Variants in GARNL3 observed in about 807,000 individuals in gnomAD.
The protein encoded by GARNL3 is GTPase activating Rap/RanGAP domain like 3.
Under a neutral mutation model 125.0 loss-of-function variants are expected in GARNL3, and 63 were observed. The ratio of observed to expected loss-of-function variants is 0.50; its 90% CI spans 0.41 to 0.62. GARNL3 has a LOEUF of 0.62. GARNL3 is among the 20% of genes least tolerant of loss of function. GARNL3 has a pLI of 0.00. For synonymous variants in GARNL3, 439 were observed against 457.5 expected, an observed-to-expected ratio of 0.96 and a Z score of 0.52; for missense variants, 994 against 1,244.0, an observed-to-expected ratio of 0.80 and a Z score of 3.02.
At chr9:127,375,535 A>G (rs550931236) in intron 22 of GARNL3, among the ~76,000 whole-genome samples, 1 of 152,272 alleles carries the variant, frequency 6.6e-6, no homozygotes, top group South Asian at 2.1e-4. Flanking sequence ...TTTGTATCCA[A>G]ATATTCATAG....
intron 27 of GARNL3, among the ~76,000 whole-genome samples, chr9:127,391,163 T>G (rs943678384): frequency 6.6e-5 from 10 of 151,898 alleles, no homozygotes; most frequent in African/African-American, 2.2e-4. Context: ...CACATCCCTG[T>G]GGTCCCAGCT....
chr9:127,289,106 A>G (rs924107278), intron 1 of GARNL3, among the ~76,000 whole-genome samples: 4 of 152,324 alleles, frequency 2.6e-5, no homozygotes, highest in African/African-American at 9.6e-5. Context: ...CCCACAAAGA[A>G]GCTGTTGATG....
At chr9:127,264,726 C>T (rs2063664662), upstream of GARNL3, 1 of 1,251,640 alleles carries the variant, frequency 8.0e-7, no homozygotes, top group Admixed American at 4.1e-5. Context: ...CCTATACTTC[C>T]AGGGATGACT....
intron 22 of GARNL3, among the ~76,000 whole-genome samples, chr9:127,374,578 A>G (rs1245130488): frequency 6.6e-6 from 1 of 152,242 alleles, no homozygotes; most frequent in African/African-American, 2.4e-5. Flanking sequence ...AGGCACAGAC[A>G]GAGAAAATAT....
chr9:127,340,249 C>G (rs1231813070), intron 13 of GARNL3, among the ~76,000 whole-genome samples: 2 of 152,106 alleles, frequency 1.3e-5, no homozygotes, highest in Admixed American at 1.3e-4. Flanking sequence ...ACCATGACTG[C>G]CAGGCATCAC....
At chr9:127,282,403 A>G (rs775425006) in intron 1 of GARNL3, among the ~76,000 whole-genome samples, 1 of 152,190 alleles carries the variant, frequency 6.6e-6, no homozygotes, top group Non-Finnish European at 1.5e-5. Flanking sequence ...TAGGCTCGTT[A>G]TACATTTTAC....
intron 2 of GARNL3, among the ~76,000 whole-genome samples, chr9:127,298,585 T>G (rs1191553603): frequency 6.6e-6 from 1 of 152,220 alleles, no homozygotes; most frequent in Admixed American, 6.5e-5. Context: ...TTCTACCATT[T>G]TATACTTGTA....
At chr9:127,332,995 T>C (rs1413165798) in intron 8 of GARNL3, 28 bp from the exon 9 acceptor site, 1 of 1,511,326 alleles carries the variant, frequency 6.6e-7, no homozygotes, top group Non-Finnish European at 9.2e-7. Context: ...ATGCCCATAC[T>C]TTCCTCATAC....
intron 2 of GARNL3, among the ~76,000 whole-genome samples, chr9:127,247,404 C>A (rs1446274824): frequency 6.6e-6 from 1 of 152,126 alleles, no homozygotes; most frequent in Non-Finnish European, 1.5e-5. Context: ...TGATTAGATC[C>A]AGGGCCTCAA....
Position 127,283,544 on chromosome 9 carries a change from C to G in GARNL3, c.145-7624C>G, listed in dbSNP as rs531372271. ...AAGTAGCCAAGCGTGGTGGCATGTG[C>G]CTGTGGTCCCAGCTACTTGGGAGGC... is the stretch of plus-strand genomic sequence containing the variant. On this transcript the variant is annotated intron_variant, in intron 1 of 27. Transcript: ENST00000373387. Among the ~76,000 whole-genome samples the G allele has an allele frequency of 8.5e-5, 13 of 152,206 alleles. No homozygotes were observed. The East Asian group carries it at 2.5e-3, about 29-fold the overall frequency.
intron 7 of GARNL3, among the ~76,000 whole-genome samples, chr9:127,330,813 T>C (rs1829190126): frequency 1.3e-5 from 2 of 152,000 alleles, no homozygotes; most frequent in African/African-American, 4.8e-5. Flanking sequence ...GGTGGAGGGG[T>C]CAGTTTGGGA....
intron 14 of GARNL3, among the ~76,000 whole-genome samples, chr9:127,342,880 A>G (rs957292422): frequency 2.1e-5 from 3 of 145,170 alleles, no homozygotes; most frequent in Non-Finnish European, 4.5e-5. Context: ...TCAGGTGCAC[A>G]TGTGCTCTTT....
At position 127,241,190 on chromosome 9, in the gene GARNL3, C is replaced by T. The variant is rs975933373; in HGVS notation, c.-28-1889C>T. Among the ~76,000 whole-genome samples the T allele has an allele frequency of 2.0e-5, 3 of 152,182 alleles. No individual in the cohort carries two copies. In the East Asian group the frequency reaches 5.8e-4, roughly 29 times the overall value. Reference sequence around the variant, plus strand: ...AGTCTCACTGGGTTTCTTCTCGTTCCCTGTCCTGCTTCCTCCACTCCCTCA... The same window carrying T: ...AGTCTCACTGGGTTTCTTCTCGTTCTCTGTCCTGCTTCCTCCACTCCCTCA... On this transcript the variant is annotated intron_variant, in intron 1 of 10. Coordinates refer to the GARNL3 transcript ENST00000439286.
intron 1 of GARNL3, among the ~76,000 whole-genome samples, chr9:127,271,006 A>G (rs1477936559): frequency 6.7e-6 from 1 of 150,082 alleles, no homozygotes; most frequent in East Asian, 1.9e-4. Flanking sequence ...TAGTGGGGTC[A>G]TAGACTATAA....
At chr9:127,302,205 G>A (rs1031068102) in intron 2 of GARNL3, among the ~76,000 whole-genome samples, 1 of 152,048 alleles carries the variant, frequency 6.6e-6, no homozygotes, top group Non-Finnish European at 1.5e-5. Context: ...GCCTCCCAAA[G>A]TGCTTGGATT....
chr9:127,252,911 T>C (rs2063431501), intron 2 of GARNL3, among the ~76,000 whole-genome samples: 1 of 152,238 alleles, frequency 6.6e-6, no homozygotes, highest in Non-Finnish European at 1.5e-5. Context: ...GGGAATGTCA[T>C]CGTGAACTGA....
chr9:127,356,914 G>A (rs1352942487), intron 20 of GARNL3, among the ~76,000 whole-genome samples: 1 of 152,200 alleles, frequency 6.6e-6, no homozygotes. Flanking sequence ...TGAATCCCAG[G>A]ACAGGACCAG....
At chr9:127,324,832 TTGCTGCTCCA>T (rs2065516173) in intron 6 of GARNL3, among the ~76,000 whole-genome samples, 1 of 152,206 alleles carries the variant, frequency 6.6e-6, no homozygotes, top group African/African-American at 2.4e-5. Context: ...TTGTTTAGGT[TTGCTGCTCCA>T]TGCTGCTCTT....
Position 127,317,690 on chromosome 9 carries a change from T to C in GARNL3, c.439-373T>C, listed in dbSNP as rs570812527. On this transcript the variant is annotated intron_variant, in intron 4 of 27. Coordinates refer to ENST00000373387, the MANE Select transcript of GARNL3 (RefSeq NM_032293.5). ...GAGATCACACCACTGCGCTCCAGCC[T>C]AAGCAACAGAGCCAGACTCTGTCTC... Among the ~76,000 whole-genome samples the C allele has an allele frequency of 3.3e-5, 5 of 152,210 alleles. No individual in the cohort carries two copies. In the South Asian group the frequency reaches 1.0e-3, roughly 32 times the overall value.
Sources: allele counts gnomAD v4.1 joint callset (sites outside exome capture counted in the v4.1 genomes callset), GRCh38; gene constraint gnomAD v4.1.1; transcripts MANE v1.5; gene names NCBI Gene and HGNC (gene_info 2026-07-23, HGNC 2026-07-21).